The following DCLRE1C variants were observed in gnomAD, a reference collection of about 807,000 sequenced individuals.
The protein encoded by DCLRE1C is DNA cross-link repair 1C, also known as protein artemis.
DCLRE1C carries 47 observed loss-of-function variants against 61.4 expected under a neutral mutation model. The ratio of observed to expected loss-of-function variants is 0.77; its 90% CI spans 0.61 to 0.98. The LOEUF is 0.98. Among genes scored for constraint, DCLRE1C ranks in the 50% least tolerant of loss-of-function variants. DCLRE1C has a pLI of 0.00. For missense variants in DCLRE1C, 858 were observed against 816.0 expected, an observed-to-expected ratio of 1.05 and a Z score of -0.63; for synonymous variants, 337 against 287.6, an observed-to-expected ratio of 1.17 and a Z score of -1.74.
At chr10:14,950,204 G>T (rs769185970) in intron 1 of DCLRE1C, among the ~76,000 whole-genome samples, 2 of 151,998 alleles carry the variant, frequency 1.3e-5, no homozygotes, top group African/African-American at 2.4e-5. Flanking sequence ...GCTGGGGCTG[G>T]TGGCGCATGG....
rs1401971829 is a variant in DCLRE1C at position 14,909,282 on chromosome 10, C to T, written c.1205G>A (p.Arg402Lys). Reference sequence around the variant, plus strand: ...AGTTTCCGGGTATGGAACTTTGTGCCTTAAAGGTATTGGCAGAGGATCATC... The same window carrying T: ...AGTTTCCGGGTATGGAACTTTGTGCTTTAAAGGTATTGGCAGAGGATCATC... ...LFDDPLPIPL[R>K]HKVPYPETFH... The change falls in exon 14 of 14, where the codon AGG (arginine) becomes AAG (lysine). Residue 402 changes from arginine to lysine, a missense_variant. Transcript: ENST00000378278. The T allele has an allele frequency of 1.9e-6, 3 of 1,613,772 alleles. No homozygotes were observed. The highest frequency in any genetic ancestry group is 1.7e-5 in the Admixed American group (1 of 59,960).
In DCLRE1C at chr10:14,917,581, T is replaced by C. The variant is rs148573996; in HGVS notation, c.1156+2157A>G. ...GCTCATGCATGTAATTCCAGCACTT[T>C]AGGAGGCCAAGGCAGGCAGATTGCT... On this transcript the variant is annotated intron_variant, in intron 13 of 13. Transcript: ENST00000378278. Among the ~76,000 whole-genome samples the C allele has an allele frequency of 1.6e-3, 238 of 152,158 alleles. 1 individual carries two copies. Among genetic ancestry groups the C allele is most frequent in the Non-Finnish European group, 2.3e-3 (159 of 67,982 alleles).
chr10:14,946,944 C>T (rs544039604), intron 2 of DCLRE1C, among the ~76,000 whole-genome samples: 6 of 152,098 alleles, frequency 3.9e-5, no homozygotes, highest in African/African-American at 9.6e-5. Flanking sequence ...GATAGAGATG[C>T]CGCACGCCTG....
intron 9 of DCLRE1C, among the ~76,000 whole-genome samples, chr10:14,929,205 G>T (rs557274384): frequency 6.6e-6 from 1 of 152,096 alleles, no homozygotes; most frequent in African/African-American, 2.4e-5. Flanking sequence ...AGGAGTCCAA[G>T]ACCAGTCTGA....
downstream of DCLRE1C, chr10:14,902,605 T>C: frequency 1.3e-6 from 1 of 761,014 alleles, no homozygotes; most frequent in Non-Finnish European, 2.0e-6. Flanking sequence ...ATTATCAAGG[T>C]TCTACCTATG....
exon 14 of DCLRE1C, chr10:14,897,849 A>G (rs17156040): frequency 0.014 from 2,425 of 169,644 alleles, 76 homozygotes; most frequent in African/African-American, 0.053. Flanking sequence ...GATGTAACAC[A>G]TGCTGCTTTG....
At chr10:14,922,298 G>A (rs1370726420) in intron 12 of DCLRE1C, among the ~76,000 whole-genome samples, 3 of 151,884 alleles carry the variant, frequency 2.0e-5, no homozygotes, top group Non-Finnish European at 4.4e-5. Flanking sequence ...AAAATTAGCC[G>A]GGCATGATGG....
At position 14,908,374 on chromosome 10, in the gene DCLRE1C, T is replaced by C. The variant is rs1245430703; in HGVS notation, c.*34A>G. 2.6e-6 allele frequency: 4 copies of C among 1,512,396 alleles called. No individual in the cohort carries two copies. The highest frequency in any genetic ancestry group is 1.7e-5 in the Admixed American group (1 of 59,688). The allele number at this position is 1,512,396 out of a possible 1,614,324, so 93.7% of individuals were successfully genotyped here. Reference sequence around the variant, plus strand: ...GACTGTCATCTCTGTGCAGGTTTTTTAGTGGTTGCTCTAGGTTGAAACGCT... The same window carrying C: ...GACTGTCATCTCTGTGCAGGTTTTTCAGTGGTTGCTCTAGGTTGAAACGCT... On this transcript the variant is annotated 3_prime_UTR_variant, in exon 14 of 14. Coordinates refer to ENST00000378278, the MANE Select transcript of DCLRE1C (RefSeq NM_001033855.3).
chr10:14,925,845 G>A (rs966438207), intron 11 of DCLRE1C, among the ~76,000 whole-genome samples: 1 of 152,158 alleles, frequency 6.6e-6, no homozygotes, highest in Non-Finnish European at 1.5e-5. Context: ...GTTTGGCTGC[G>A]TCCCTACCCA....
At position 14,928,125 on chromosome 10, in the gene DCLRE1C, A is replaced by C; in HGVS notation, c.808T>G (p.Leu270Val). 1.9e-6 allele frequency: 3 copies of C among 1,613,578 alleles called. No individual in the cohort carries two copies. Among genetic ancestry groups the C allele is most frequent in the Non-Finnish European group, 2.5e-6 (3 of 1,179,744 alleles). ...TTTCTGGAAGTAATTCCACAGGGTAATTTGCTCCACTGAAAATATTCCTCT... is the reference window on the plus strand; with the variant it reads ...TTTCTGGAAGTAATTCCACAGGGTACTTTGCTCCACTGAAAATATTCCTCT... ...KAEEYFQWSK[L>V]PCGITSRNRI... Residue 270 changes from leucine (L) to valine (V), a missense_variant, in exon 10 of 14, where the codon TTA (leucine) becomes GTA (valine). Physicochemically the swap from Leu to Val is conservative, Grantham distance 32 (BLOSUM62 1). Transcript: ENST00000378278.
downstream of DCLRE1C, chr10:14,904,284 G>GACA (rs1834212613): frequency 7.3e-6 from 1 of 137,618 alleles, no homozygotes; most frequent in Admixed American, 7.6e-5. Flanking sequence ...CAGCCTGAGT[G>GACA]ACACAGTAAG....
At position 14,945,130 on chromosome 10, in the gene DCLRE1C, T is replaced by C. The variant is rs1179058497; in HGVS notation, c.221A>G (p.Lys74Arg). 8 of 1,612,792 alleles carry C rather than the reference T, an allele frequency of 5.0e-6. No individual in the cohort carries two copies. Among genetic ancestry groups the C allele is most frequent in the Non-Finnish European group, 6.8e-6 (8 of 1,179,548 alleles). The stretch of plus-strand genomic sequence containing the variant: ...AATTCGTTTCTTCCAAAATCTGTAT[T>C]TCGGGCTCGTTAACAACAACTCCTT... ...VTKELLLTSP[K>R]YRFWKKRIIS... The change falls in exon 3 of 14, where the codon AAA becomes AGA. Residue 74 changes from lysine to arginine, a missense_variant. Lys to Arg is a conservative substitution (Grantham distance 26). This residue lies in a region of DCLRE1C where 843 missense variants were observed against 783.5 expected (regional missense o/e 1.08). Transcript: ENST00000378278.
intron 12 of DCLRE1C, among the ~76,000 whole-genome samples, chr10:14,921,047 G>A (rs1837023889): frequency 6.6e-6 from 1 of 151,616 alleles, no homozygotes; most frequent in South Asian, 2.1e-4. Context: ...GGCTGGGCAC[G>A]GTGGCTCACA....
rs895627252 is a variant in DCLRE1C, at chr10:14,929,390, C to A, written c.781-1238G>T. Among the ~76,000 whole-genome samples the A allele has an allele frequency of 4.0e-5, 6 of 148,420 alleles. No homozygotes were observed. In the Admixed American group the frequency reaches 4.1e-4, roughly 10 times the overall value. On this transcript the variant is annotated intron_variant, in intron 9 of 13. Transcript: ENST00000378278. The stretch of plus-strand genomic sequence containing the variant: ...CTGCACTCCAGCCTGGGCAACGGAG[C>A]GAAACTCTATCTCAAAAAACCATTT...
chr10:14,933,908 A>G (rs566548814), intron 8 of DCLRE1C, among the ~76,000 whole-genome samples: 1 of 152,140 alleles, frequency 6.6e-6, no homozygotes, highest in African/African-American at 2.4e-5. Flanking sequence ...ATTCCTTCAG[A>G]GGGCCCGCGA....
chr10:14,934,822 T>G, intron 6 of DCLRE1C, 47 bp from the exon 7 acceptor site: 7 of 1,433,758 alleles, frequency 4.9e-6, no homozygotes, highest in Non-Finnish European at 6.9e-6. Flanking sequence ...TGATATAAAT[T>G]ATGTGTAACT....
intron 13 of DCLRE1C, among the ~76,000 whole-genome samples, chr10:14,913,179 G>T (rs11517377): frequency 0.093 from 14,105 of 152,318 alleles, 881 homozygotes; most frequent in Non-Finnish European, 0.14. Flanking sequence ...TATATGAAGT[G>T]TCCAGAAAAC....
intron 2 of DCLRE1C, among the ~76,000 whole-genome samples, chr10:14,945,860 G>T (rs1029877251): frequency 1.3e-5 from 2 of 150,892 alleles, no homozygotes; most frequent in Non-Finnish European, 2.9e-5. Flanking sequence ...GTTTGACCAC[G>T]TTGGCCAGGC....
intron 9 of DCLRE1C, 62 bp downstream of exon 9, chr10:14,932,792 T>C: frequency 6.3e-7 from 1 of 1,588,888 alleles, no homozygotes; most frequent in Admixed American, 1.7e-5. Context: ...ATGGAAGCCC[T>C]GACCTTTCTT....
Sources: allele counts gnomAD v4.1 joint callset (sites outside exome capture counted in the v4.1 genomes callset), GRCh38; gene constraint gnomAD v4.1.1; regional missense constraint gnomAD v4.1.1; transcripts MANE v1.5; gene names NCBI Gene and HGNC (gene_info 2026-07-23, HGNC 2026-07-21).